CRYBA4: variants seen among roughly 807,000 people sequenced by gnomAD.
The protein encoded by CRYBA4 is beta-crystallin A4.
A neutral mutation model predicts 31.7 loss-of-function variants in CRYBA4; 30 were observed. That is an observed-to-expected ratio of 0.95 (90% CI 0.71 to 1.28). The LOEUF is 1.28. CRYBA4 is among the 50% of genes most tolerant of loss of function. The pLI, the probability that CRYBA4 is intolerant of heterozygous loss-of-function variation, is 0.00. For missense variants in CRYBA4, 225 were observed against 260.7 expected, an observed-to-expected ratio of 0.86 and a Z score of 0.94; for synonymous variants, 102 against 102.3, an observed-to-expected ratio of 1.00 and a Z score of 0.02.
chr22:26,629,615 G>T (rs767135441), intron 5 of CRYBA4, among the ~76,000 whole-genome samples: 7 of 151,584 alleles, frequency 4.6e-5, no homozygotes, highest in Non-Finnish European at 8.8e-5. Flanking sequence ...TCGTGGCTAT[G>T]CCTCTAGTCC....
At chr22:26,612,130 A>T in the CRYBA4 span, 1 of 1,613,842 alleles carries the variant, frequency 6.2e-7, no homozygotes. Flanking sequence ...GCCAGATTTG[A>T]GCACTCCCCC....
upstream of CRYBA4, among the ~76,000 whole-genome samples, chr22:26,621,237 C>T (rs116710721): frequency 2.2e-3 from 336 of 152,304 alleles, 1 homozygote; most frequent in African/African-American, 7.6e-3. Context: ...CAGTGCCATC[C>T]GGATTCATCT....
the CRYBA4 span, among the ~76,000 whole-genome samples, chr22:26,602,439 T>A: frequency 3.6e-4 from 55 of 151,852 alleles, no homozygotes; most frequent in African/African-American, 1.1e-3. Flanking sequence ...ATTTTTTTTT[T>A]AATTTGCCAG....
chr22:26,598,835 C>CA, the CRYBA4 span, among the ~76,000 whole-genome samples: 1 of 152,026 alleles, frequency 6.6e-6, no homozygotes, highest in African/African-American at 2.4e-5. Context: ...GCAGACAGTG[C>CA]AAAAAATCCT....
chr22:26,613,487 C>T, the CRYBA4 span, among the ~76,000 whole-genome samples: 1 of 152,190 alleles, frequency 6.6e-6, no homozygotes, highest in African/African-American at 2.4e-5. Flanking sequence ...TTATTAGTTC[C>T]CCAAATTAAT....
chr22:26,601,801 T>C, the CRYBA4 span: 3 of 1,604,132 alleles, frequency 1.9e-6, no homozygotes, highest in East Asian at 2.2e-5. Flanking sequence ...TCTGATGTTA[T>C]AACCTGTAAG....
chr22:26,608,029 C>A, the CRYBA4 span: 1 of 1,614,136 alleles, frequency 6.2e-7, no homozygotes, highest in East Asian at 2.2e-5. Flanking sequence ...CAGCTGGATA[C>A]AAGAAGGACC....
chr22:26,616,474 T>C, the CRYBA4 span: 1 of 671,606 alleles, frequency 1.5e-6, no homozygotes, highest in South Asian at 1.7e-5. Flanking sequence ...AGCCTGGAAG[T>C]TTTTCTTTCA....
the CRYBA4 span, among the ~76,000 whole-genome samples, chr22:26,613,015 C>G: frequency 6.6e-6 from 1 of 152,178 alleles, no homozygotes; most frequent in Non-Finnish European, 1.5e-5. Flanking sequence ...TCCCATTACC[C>G]AGCCCCTCCA....
the CRYBA4 span, among the ~76,000 whole-genome samples, chr22:26,609,355 A>T: frequency 6.6e-6 from 1 of 151,742 alleles, no homozygotes; most frequent in Non-Finnish European, 1.5e-5. Context: ...TCTGGAGTAG[A>T]AGAGAAATAA....
At chr22:26,601,922 C>T in the CRYBA4 span, 9 of 1,612,754 alleles carry the variant, frequency 5.6e-6, no homozygotes, top group East Asian at 6.7e-5. Flanking sequence ...TCACTGAAGC[C>T]GTAGACCCAG....
the CRYBA4 span, among the ~76,000 whole-genome samples, chr22:26,593,849 C>T: frequency 6.6e-6 from 1 of 152,140 alleles, no homozygotes. Context: ...TATTCAGGTG[C>T]TTGCTATGTG....
At chr22:26,590,290 C>T in the CRYBA4 span, 14 of 151,880 alleles carry the variant, frequency 9.2e-5, no homozygotes, top group Admixed American at 2.0e-4. Context: ...CCCGGGAACC[C>T]CGCCCCGCCG....
chr22:26,601,185 C>T, the CRYBA4 span, among the ~76,000 whole-genome samples: 15 of 152,234 alleles, frequency 9.9e-5, no homozygotes, highest in Middle Eastern at 3.4e-3. Flanking sequence ...CAGAGCCTTA[C>T]GTTTACCTAG....
At chr22:26,627,564 CTCTG>C (rs200046088) in intron 4 of CRYBA4, among the ~76,000 whole-genome samples, 3,500 of 120,002 alleles carry the variant, frequency 0.029, 118 homozygotes, top group East Asian at 0.082. Context: ...TTCTTTCATT[CTCTG>C]TCTTTCTTTT....
rs75205052 is a variant in CRYBA4 at position 26,630,322 on chromosome 22, G to A, written c.444-18G>A. 54,849 of 1,613,822 alleles carry A rather than the reference G, an allele frequency of 0.034. 1,348 individuals are homozygous for A. Among genetic ancestry groups the A allele is most frequent in the East Asian group, 0.081 (3,656 of 44,878 alleles). On this transcript the variant is annotated intron_variant, in intron 5 of 5. Coordinates refer to ENST00000354760, the MANE Select transcript of CRYBA4 (RefSeq NM_001886.3). ...TGGTGTCTCTGTAGAGTAACTGTCTGCCTTTTCTCTTTTCCAGCTGGGTTT... is the reference window on the plus strand; with the variant it reads ...TGGTGTCTCTGTAGAGTAACTGTCTACCTTTTCTCTTTTCCAGCTGGGTTT...
At chr22:26,604,477 T>C in the CRYBA4 span, among the ~76,000 whole-genome samples, 1 of 152,050 alleles carries the variant, frequency 6.6e-6, no homozygotes, top group Non-Finnish European at 1.5e-5. Flanking sequence ...CAGTAGGAGA[T>C]TATAGATGAA....
intron 1 of CRYBA4, 92 bp from the exon 2 acceptor site, chr22:26,622,493 T>G: frequency 1.8e-6 from 2 of 1,084,600 alleles, no homozygotes; most frequent in South Asian, 1.3e-5. Context: ...GGACTCCCTA[T>G]GTGGATCCTG....
At chr22:26,627,359 C>CCTTCCTTTCTTT (rs1929738290) in intron 4 of CRYBA4, among the ~76,000 whole-genome samples, 1 of 41,820 alleles carries the variant, frequency 2.4e-5, no homozygotes. Flanking sequence ...CTCCCTCCCT[C>CCTTCCTTTCTTT]CTTTCTTTCT....
Sources: gnomAD v4.1 joint callset for allele counts (sites outside exome capture counted in the v4.1 genomes callset) on GRCh38, gnomAD v4.1.1 for gene constraint, MANE v1.5 for transcripts, NCBI Gene and HGNC (gene_info 2026-07-23, HGNC 2026-07-21) for gene names.